Variants in EPHA6 observed in about 807,000 individuals in gnomAD.
EPHA6 encodes the protein EPH receptor A6, also known as ephrin type-A receptor 6.
In EPHA6, 50 loss-of-function variants were observed where a neutral mutation model predicts 112.0. That is an observed-to-expected ratio of 0.45 (90% CI 0.36 to 0.56). EPHA6 has a LOEUF of 0.56. EPHA6 is among the 20% of genes least tolerant of loss of function. The pLI is 0.00. For synonymous variants in EPHA6, 529 were observed against 490.7 expected, an observed-to-expected ratio of 1.08 and a Z score of -1.03; for missense variants, 1,280 against 1,417.4, an observed-to-expected ratio of 0.90 and a Z score of 1.56.
chr3:97,491,886 C>T (rs2091848349), intron 10 of EPHA6, among the ~76,000 whole-genome samples: 1 of 151,962 alleles, frequency 6.6e-6, no homozygotes, highest in South Asian at 2.1e-4. Flanking sequence ...GAGGTCTTGT[C>T]TCTGAACTTA....
intron 1 of EPHA6, among the ~76,000 whole-genome samples, chr3:96,839,725 A>T (rs1482301801): frequency 6.6e-6 from 1 of 152,082 alleles, no homozygotes; most frequent in Non-Finnish European, 1.5e-5. Flanking sequence ...TGAAAAAAAG[A>T]TTTCTGAGAA....
intron 14 of EPHA6, among the ~76,000 whole-genome samples, chr3:97,679,548 G>A (rs1307405640): frequency 6.6e-6 from 1 of 152,090 alleles, no homozygotes; most frequent in Non-Finnish European, 1.5e-5. Flanking sequence ...CATGCTTAAT[G>A]AAAGAATCAT....
intron 14 of EPHA6, among the ~76,000 whole-genome samples, chr3:97,697,249 A>G (rs963952513): frequency 1.3e-5 from 2 of 152,182 alleles, no homozygotes; most frequent in African/African-American, 4.8e-5. Context: ...AAACCAGTGT[A>G]TTAGTTTCAT....
At position 97,617,051 on chromosome 3, in the gene EPHA6, A is replaced by G. The variant is rs540091945; in HGVS notation, c.2574+6197A>G. 4.6e-5 allele frequency among the ~76,000 whole-genome samples: 7 copies of G among 152,284 alleles called. No homozygotes were observed. In the South Asian group the frequency reaches 1.0e-3, roughly 23 times the overall value. ...CAGAGAGAAGGGCCAGATCACCTAC[A>G]AAGGGGAGCCCATCAGACTAACAGA... On this transcript the variant is annotated intron_variant, in intron 13 of 17. Transcript: ENST00000389672.
At chr3:97,648,735 G>T (rs917425265) in intron 14 of EPHA6, among the ~76,000 whole-genome samples, 1 of 152,020 alleles carries the variant, frequency 6.6e-6, no homozygotes, top group African/African-American at 2.4e-5. Context: ...AAGATTAAAG[G>T]TTTCAATTAC....
chr3:97,043,170 T>C (rs2045376583), intron 3 of EPHA6, among the ~76,000 whole-genome samples: 2 of 152,144 alleles, frequency 1.3e-5, no homozygotes, highest in Non-Finnish European at 2.9e-5. Flanking sequence ...GACTCAGCGG[T>C]CTTCCCTTCT....
chr3:97,135,150 C>T (rs367772769), intron 3 of EPHA6, among the ~76,000 whole-genome samples: 7 of 152,278 alleles, frequency 4.6e-5, no homozygotes, highest in East Asian at 1.9e-4. Flanking sequence ...TGAAAATACA[C>T]GTATTTCAGT....
Position 96,897,092 on chromosome 3 carries a change from GT to G in EPHA6, c.450+30206del, listed in dbSNP as rs2038314651. Among the ~76,000 whole-genome samples the G allele has an allele frequency of 5.9e-5, 9 of 152,040 alleles. No homozygotes were observed. The South Asian group carries it at 1.9e-3, about 32-fold the overall frequency. ...CATGCTAATACATCTTTAACAAAGT[GT>G]TTGTACAAACATCAATTGGAATTTC... On this transcript the variant is annotated intron_variant, in intron 2 of 17. Transcript: ENST00000389672.
At chr3:97,031,597 C>A (rs2044846040) in intron 3 of EPHA6, among the ~76,000 whole-genome samples, 1 of 151,868 alleles carries the variant, frequency 6.6e-6, no homozygotes, top group Non-Finnish European at 1.5e-5. Flanking sequence ...AACAAGTTTA[C>A]AAGAAAAAAA....
chr3:97,465,060 T>C (rs2107408585), intron 7 of EPHA6, among the ~76,000 whole-genome samples: 1 of 152,226 alleles, frequency 6.6e-6, no homozygotes, highest in African/African-American at 2.4e-5. Context: ...CTAAAATCAG[T>C]GCCATATTGT....
chr3:97,206,467 G>A (rs59061716), intron 3 of EPHA6, among the ~76,000 whole-genome samples: 4,119 of 151,842 alleles, frequency 0.027, 175 homozygotes, highest in African/African-American at 0.093. Context: ...ATTTGAGTTC[G>A]TTTCCTCTCT....
rs1424844426 is a variant in EPHA6 at position 97,661,365 on chromosome 3, T to C, written c.2784+23283T>C. On this transcript the variant is annotated intron_variant, in intron 14 of 17. Transcript: ENST00000389672. ...TAATGTAGTTCAACAGCCCCTCTAC[T>C]AGCTTTGAACACTGCAGAAATCTTA... Among the ~76,000 whole-genome samples, 4 of 152,306 alleles carry C rather than the reference T, an allele frequency of 2.6e-5. No individual in the cohort carries two copies. In the South Asian group the frequency reaches 6.2e-4, roughly 24 times the overall value.
At chr3:97,010,093 T>C (rs1172325283) in intron 3 of EPHA6, 1 of 1,277,972 alleles carries the variant, frequency 7.8e-7, no homozygotes, top group Non-Finnish European at 1.0e-6. Flanking sequence ...AGCAAAAGAG[T>C]AGCATTACTA....
At chr3:96,927,106 C>T (rs2040076270) in intron 2 of EPHA6, among the ~76,000 whole-genome samples, 1 of 152,204 alleles carries the variant, frequency 6.6e-6, no homozygotes, top group Admixed American at 6.5e-5. Flanking sequence ...CTTTTGTGCA[C>T]CCGTAGGCCT....
intron 10 of EPHA6, among the ~76,000 whole-genome samples, chr3:97,505,477 T>C (rs1475417537): frequency 6.6e-6 from 1 of 152,162 alleles, no homozygotes; most frequent in Non-Finnish European, 1.5e-5. Flanking sequence ...CTGAGAATGA[T>C]GGTTTCCAGC....
intron 3 of EPHA6, among the ~76,000 whole-genome samples, chr3:97,167,850 A>G (rs930094743): frequency 6.6e-6 from 1 of 151,972 alleles, no homozygotes; most frequent in African/African-American, 2.4e-5. Flanking sequence ...TCTTAAAATA[A>G]ATAGATGGCT....
chr3:97,176,248 C>G (rs1166107515), intron 3 of EPHA6, among the ~76,000 whole-genome samples: 2 of 151,802 alleles, frequency 1.3e-5, no homozygotes, highest in Non-Finnish European at 2.9e-5. Flanking sequence ...GGGATAATCC[C>G]ACTTGGTCAT....
intron 1 of EPHA6, among the ~76,000 whole-genome samples, chr3:96,856,302 C>T (rs761398912): frequency 6.6e-6 from 1 of 151,988 alleles, no homozygotes; most frequent in African/African-American, 2.4e-5. Context: ...ATATTGGACT[C>T]TATGCCTAAA....
intron 5 of EPHA6, among the ~76,000 whole-genome samples, chr3:97,336,232 G>T (rs1203148059): frequency 6.6e-6 from 1 of 152,154 alleles, no homozygotes; most frequent in East Asian, 1.9e-4. Flanking sequence ...TTGTTTCAAA[G>T]CTACACTGTA....
Sources: allele counts gnomAD v4.1 joint callset (sites outside exome capture counted in the v4.1 genomes callset), GRCh38; gene constraint gnomAD v4.1.1; transcripts MANE v1.5; gene names NCBI Gene and HGNC (gene_info 2026-07-23, HGNC 2026-07-21).